The following ATP8B1 variants were observed in gnomAD, a reference collection of about 807,000 sequenced individuals.
The protein encoded by ATP8B1 is ATPase phospholipid transporting 8B1, also known as phospholipid-transporting ATPase IC.
ATP8B1 carries 80 observed loss-of-function variants against 149.9 expected under a neutral mutation model. The ratio of observed to expected loss-of-function variants is 0.53; its 90% CI spans 0.45 to 0.64. The LOEUF (loss-of-function observed/expected upper bound fraction) is 0.64, where lower values mean the gene tolerates loss of function less well. ATP8B1 is among the 30% of genes least tolerant of loss of function. ATP8B1 has a pLI of 0.00. For synonymous variants in ATP8B1, 536 were observed against 562.8 expected, an observed-to-expected ratio of 0.95 and a Z score of 0.67; for missense variants, 1,247 against 1,552.6, an observed-to-expected ratio of 0.80 and a Z score of 3.31.
Position 57,654,093 on chromosome 18 carries a change from A to C in ATP8B1, c.2932-18T>G. ...TATGCAGTCTGTGAGGGGATGACAG[A>C]GGCTCCATGTCACCAACAAAGACAC... On this transcript the variant is annotated intron_variant, in intron 23 of 27. Coordinates refer to ENST00000648908, the MANE Select transcript of ATP8B1 (RefSeq NM_001374385.1). The C allele has an allele frequency of 1.2e-6, 2 of 1,600,144 alleles. No individual in the cohort carries two copies. The highest frequency in any genetic ancestry group is 1.7e-6 in the Non-Finnish European group (2 of 1,167,436).
chr18:57,694,648 C>G lies in ATP8B1; in HGVS notation c.963G>C (p.Lys321Asn). ...TTTTAAATCTGGTTTTCCCACTATT[C>G]TTCATTATTTTAGTGTCAGCACCTG... The part of the protein sequence containing the change: ...IFAGADTKIM[K>N]NSGKTRFKRT... The change falls in exon 11 of 28, where the codon AAG becomes AAC. Residue 321 changes from lysine (K) to asparagine (N), a missense_variant. By Grantham distance (94) the Lys-to-Asn change is moderately conservative. Coordinates refer to ENST00000648908, the MANE Select transcript of ATP8B1 (RefSeq NM_001374385.1). 1 of 1,594,194 alleles carries G rather than the reference C, an allele frequency of 6.3e-7. No individual in the cohort carries two copies. Among genetic ancestry groups the G allele is most frequent in the Non-Finnish European group, 8.6e-7 (1 of 1,162,072 alleles).
intron 19 of ATP8B1, chr18:57,667,892 A>G (rs539218680): frequency 1.8e-5 from 5 of 277,570 alleles, no homozygotes; most frequent in Non-Finnish European, 3.4e-5. Flanking sequence ...TGACGATTTC[A>G]GCGCAAGAGA....
At chr18:57,777,005 G>T (rs1186215322) in intron 1 of ATP8B1, among the ~76,000 whole-genome samples, 4 of 148,696 alleles carry the variant, frequency 2.7e-5, no homozygotes, top group Non-Finnish European at 4.4e-5. Context: ...TTTAAATAGG[G>T]TATCACTGTC....
chr18:57,751,070 G>A (rs1275901400), intron 1 of ATP8B1, among the ~76,000 whole-genome samples: 1 of 151,892 alleles, frequency 6.6e-6, no homozygotes, highest in African/African-American at 2.4e-5. Flanking sequence ...TTGCAGTGAG[G>A]AGAGACTGTG....
chr18:57,665,662 C>T (rs1328176010), intron 20 of ATP8B1, among the ~76,000 whole-genome samples: 3 of 152,176 alleles, frequency 2.0e-5, no homozygotes, highest in East Asian at 3.9e-4. Flanking sequence ...AAGCAATTCT[C>T]CTGCCTCAGT....
At chr18:57,666,533 G>GT (rs5825232) in intron 20 of ATP8B1, among the ~76,000 whole-genome samples, 8 of 144,076 alleles carry the variant, frequency 5.6e-5, no homozygotes, top group East Asian at 2.0e-4. Context: ...GGTGAACCGA[G>GT]TTTTTTTTTT....
At chr18:57,713,756 C>T (rs75204783) in intron 2 of ATP8B1, among the ~76,000 whole-genome samples, 10 of 102,406 alleles carry the variant, frequency 9.8e-5, no homozygotes, top group South Asian at 3.4e-4. Context: ...TCCCAACATG[C>T]TGGGATTACA....
At chr18:57,708,721 C>T (rs746639886) in intron 2 of ATP8B1, among the ~76,000 whole-genome samples, 3 of 152,138 alleles carry the variant, frequency 2.0e-5, no homozygotes, top group Non-Finnish European at 1.5e-5. Flanking sequence ...AGAAATAACT[C>T]AAGTGGAAAG....
intron 1 of ATP8B1, among the ~76,000 whole-genome samples, chr18:57,783,652 A>G (rs1476791782): frequency 1.3e-5 from 2 of 152,134 alleles, no homozygotes; most frequent in Non-Finnish European, 2.9e-5. Flanking sequence ...CCTGGCCAAC[A>G]TAGTGAAACC....
chr18:57,713,211 CCT>C (rs1913800300), intron 2 of ATP8B1, among the ~76,000 whole-genome samples: 8 of 125,856 alleles, frequency 6.4e-5, no homozygotes, highest in African/African-American at 2.5e-4. Context: ...TTCCTTCCTT[CCT>C]TCCTTCCTTC....
rs768411974 is a variant in ATP8B1, at chr18:57,671,483, T to C, written c.1917A>G (p.Thr639=). Residue 639 remains threonine, a synonymous_variant, in exon 17 of 28, where the codon ACA becomes ACG. Transcript: ENST00000648908. ...LHRMNPTKQE[T]QDALDIFANE... ...TGAAACTTACATCCAGGGCATCCTG[T>C]GTTTCTTGCTTAGTAGGATTCATTC... The C allele has an allele frequency of 6.2e-7, 1 of 1,612,094 alleles. No individual in the cohort carries two copies. Among genetic ancestry groups the C allele is most frequent in the South Asian group, 1.1e-5 (1 of 91,036 alleles).
chr18:57,781,807 C>G (rs1599232969), intron 1 of ATP8B1, among the ~76,000 whole-genome samples: 3 of 151,870 alleles, frequency 2.0e-5, no homozygotes, highest in Admixed American at 1.3e-4. Flanking sequence ...ATAAGGATAC[C>G]CCTGTCTCTA....
rs145240594 is a variant in ATP8B1, at chr18:57,794,304, G to A, written c.-26+8694C>T. Among the ~76,000 whole-genome samples the A allele has an allele frequency of 2.8e-3, 433 of 152,054 alleles. 5 individuals are homozygous for A. The highest frequency in any genetic ancestry group is 0.024 in the Admixed American group (365 of 15,250). ...ATTAAGGTGTCTTTAACAGACTGATGTCTAATTATTACATAAAGGCATCTG... is the reference window on the plus strand; with the variant it reads ...ATTAAGGTGTCTTTAACAGACTGATATCTAATTATTACATAAAGGCATCTG... On this transcript the variant is annotated intron_variant, in intron 1 of 27. Transcript: ENST00000648908.
chr18:57,675,117 T>A, intron 15 of ATP8B1, 95 bp from the exon 16 acceptor site: 2 of 1,338,946 alleles, frequency 1.5e-6, no homozygotes. Flanking sequence ...GGGGGTCAGA[T>A]GGGCTGCAAA....
At chr18:57,767,564 G>A (rs1319854630) in intron 1 of ATP8B1, among the ~76,000 whole-genome samples, 2 of 152,108 alleles carry the variant, frequency 1.3e-5, no homozygotes, top group Non-Finnish European at 2.9e-5. Context: ...GAGGTGGGTG[G>A]ATCACCTAAG....
intron 1 of ATP8B1, among the ~76,000 whole-genome samples, chr18:57,761,389 G>A (rs1250447672): frequency 2.6e-5 from 4 of 152,124 alleles, no homozygotes; most frequent in Admixed American, 6.6e-5. Context: ...CGAGCAGTAC[G>A]GCCTTAGCAA....
intron 13 of ATP8B1, among the ~76,000 whole-genome samples, chr18:57,685,909 C>A (rs547854456): frequency 6.9e-6 from 1 of 145,742 alleles, no homozygotes; most frequent in Non-Finnish European, 1.5e-5. Flanking sequence ...CCAGCCTGGG[C>A]GACAGAGTGA....
chr18:57,700,244 T>A (rs1239271065), intron 6 of ATP8B1, among the ~76,000 whole-genome samples: 1 of 152,224 alleles, frequency 6.6e-6, no homozygotes, highest in Non-Finnish European at 1.5e-5. Context: ...GCCAAATTTT[T>A]TTTTTAATGC....
chr18:57,686,857 A>G (rs2122838808), intron 13 of ATP8B1, among the ~76,000 whole-genome samples: 1 of 151,740 alleles, frequency 6.6e-6, no homozygotes, highest in South Asian at 2.1e-4. Flanking sequence ...TGTTGTTGCT[A>G]TTTTGAGACA....
Sources: gnomAD v4.1 joint callset for allele counts (sites outside exome capture counted in the v4.1 genomes callset) on GRCh38, gnomAD v4.1.1 for gene constraint, MANE v1.5 for transcripts, NCBI Gene and HGNC (gene_info 2026-07-23, HGNC 2026-07-21) for gene names.